The following LIPK variants were observed in gnomAD, a reference collection of about 807,000 sequenced individuals.
LIPK encodes the protein lipase family member K.
LIPK carries 32 observed loss-of-function variants against 48.6 expected under a neutral mutation model. The ratio of observed to expected loss-of-function variants is 0.66; its 90% CI spans 0.50 to 0.88. LIPK has a LOEUF of 0.88. LIPK is among the 40% of genes least tolerant of loss of function. The pLI is 0.00. For synonymous variants in LIPK, 164 were observed against 157.4 expected, an observed-to-expected ratio of 1.04 and a Z score of -0.32; for missense variants, 507 against 478.5, an observed-to-expected ratio of 1.06 and a Z score of -0.56.
intron 1 of LIPK, among the ~76,000 whole-genome samples, chr10:88,715,849 A>C (rs1232958886): frequency 6.7e-6 from 1 of 149,646 alleles, no homozygotes; most frequent in Non-Finnish European, 1.5e-5. Context: ...TTCTAGGATA[A>C]TAAAATATTA....
chr10:88,719,045 A>G (rs1208722927), intron 1 of LIPK, among the ~76,000 whole-genome samples: 1 of 152,192 alleles, frequency 6.6e-6, no homozygotes, highest in Non-Finnish European at 1.5e-5. Context: ...TATAATATAA[A>G]GTATAATATG....
intron 1 of LIPK, among the ~76,000 whole-genome samples, chr10:88,712,590 G>GT (rs201503171): frequency 3.4e-4 from 51 of 151,304 alleles, no homozygotes; most frequent in South Asian, 8.4e-4. Context: ...TCCAGATAAT[G>GT]TTTTTTTTTA....
intron 1 of LIPK, among the ~76,000 whole-genome samples, chr10:88,721,140 A>C (rs202061086): frequency 0.78 from 118,645 of 151,476 alleles, 47,433 homozygotes; most frequent in East Asian, 1. Flanking sequence ...GCATTAGCAT[A>C]TAAGGATATA....
intron 9 of LIPK, among the ~76,000 whole-genome samples, chr10:88,745,482 A>T (rs1175710655): frequency 6.6e-6 from 1 of 152,208 alleles, no homozygotes; most frequent in African/African-American, 2.4e-5. Flanking sequence ...TGTATTCAAC[A>T]TCCTTAAAGA....
chr10:88,745,276 A>G (rs753672385), intron 9 of LIPK, among the ~76,000 whole-genome samples: 1 of 152,306 alleles, frequency 6.6e-6, no homozygotes, highest in African/African-American at 2.4e-5. Flanking sequence ...TGGGAAATTC[A>G]GAGAACCCCT....
chr10:88,748,323 T>C (rs1842804884), intron 9 of LIPK, among the ~76,000 whole-genome samples: 1 of 152,118 alleles, frequency 6.6e-6, no homozygotes, highest in South Asian at 2.1e-4. Context: ...AGCATCAAAC[T>C]ACCATGGCAT....
chr10:88,716,949 GA>G (rs1842131201), intron 1 of LIPK, among the ~76,000 whole-genome samples: 1 of 152,112 alleles, frequency 6.6e-6, no homozygotes, highest in East Asian at 1.9e-4. Context: ...TGGGGAGAAA[GA>G]AAGAGTGAGC....
At chr10:88,711,622 G>A (rs1399581520) in intron 1 of LIPK, among the ~76,000 whole-genome samples, 2 of 152,058 alleles carry the variant, frequency 1.3e-5, no homozygotes, top group African/African-American at 4.8e-5. Context: ...TTACAAGCAT[G>A]CACCAACATG....
At position 88,732,505 on chromosome 10, in the gene LIPK, A is replaced by G; in HGVS notation, c.623A>G (p.Gln208Arg). Residue 208 changes from glutamine to arginine, a missense_variant, in exon 6 of 10, where the codon CAA (glutamine) becomes CGA (arginine). Gln to Arg is a conservative substitution (Grantham distance 43). Coordinates refer to ENST00000404190, the MANE Select transcript of LIPK (RefSeq NM_001080518.2). ...CCAGTTGTCACAGTTAAATACACCC[A>G]AAGTCCTATGAAAAAACTAACAACC... ...LAPVVTVKYT[Q>R]SPMKKLTTLS... is the part of the protein sequence containing the mutation. The G allele has an allele frequency of 6.2e-7, 1 of 1,613,248 alleles. No individual in the cohort carries two copies. The highest frequency in any genetic ancestry group is 2.2e-5 in the East Asian group (1 of 44,866).
rs750061098 is a variant in LIPK at position 88,731,086 on chromosome 10, T to C, written c.327T>C (p.Ser109=). Residue 109 remains serine, a synonymous_variant, in exon 4 of 10, where the codon AGT becomes AGC. Coordinates refer to ENST00000404190, the MANE Select transcript of LIPK (RefSeq NM_001080518.2). ...NNSLAFLLAD[S]GYDVWLGNSR... is the part of the protein sequence containing the mutation. Reference sequence around the variant, plus strand: ...GTTTGGCTTTCCTTCTGGCAGATAGTGGTTATGACGTGTGGTTGGGGAACA... The same window carrying C: ...GTTTGGCTTTCCTTCTGGCAGATAGCGGTTATGACGTGTGGTTGGGGAACA... The C allele has an allele frequency of 2.5e-6, 4 of 1,607,126 alleles. No homozygotes were observed. Among genetic ancestry groups the C allele is most frequent in the Non-Finnish European group, 3.4e-6 (4 of 1,176,776 alleles).
intron 6 of LIPK, among the ~76,000 whole-genome samples, chr10:88,735,494 C>T (rs184255325): frequency 1.3e-5 from 2 of 152,230 alleles, no homozygotes; most frequent in African/African-American, 4.8e-5. Context: ...AACCCATGGT[C>T]AACAGTCTTT....
intron 7 of LIPK, 137 bp downstream of exon 7, chr10:88,737,918 TC>T: frequency 2.2e-6 from 2 of 889,674 alleles, no homozygotes; most frequent in Non-Finnish European, 3.5e-6. Flanking sequence ...ATTTATGGCT[TC>T]CAATGAGGGT....
At chr10:88,742,325 C>A (rs1842693875) in intron 8 of LIPK, among the ~76,000 whole-genome samples, 1 of 145,494 alleles carries the variant, frequency 6.9e-6, no homozygotes, top group South Asian at 2.2e-4. Context: ...TAAAAGCTTG[C>A]AGAATTTCAA....
At chr10:88,709,087 G>T (rs1011958509) in intron 1 of LIPK, among the ~76,000 whole-genome samples, 2 of 152,110 alleles carry the variant, frequency 1.3e-5, no homozygotes, top group African/African-American at 4.8e-5. Flanking sequence ...GACGTAAATA[G>T]ATCTTTGCCT....
chr10:88,747,650 GA>G (rs1287203978), intron 9 of LIPK, among the ~76,000 whole-genome samples: 1 of 151,776 alleles, frequency 6.6e-6, no homozygotes, highest in African/African-American at 2.4e-5. Flanking sequence ...ACAAACATAT[GA>G]AAAAAAGCTC....
chr10:88,723,504 T>C (rs390436), intron 1 of LIPK, among the ~76,000 whole-genome samples: 118,175 of 152,096 alleles, frequency 0.78, 46,914 homozygotes, highest in East Asian at 1. Flanking sequence ...GGAAGCCCTC[T>C]TGAAAAATGT....
chr10:88,715,363 T>G (rs1275737047), intron 1 of LIPK, among the ~76,000 whole-genome samples: 1 of 152,166 alleles, frequency 6.6e-6, no homozygotes, highest in African/African-American at 2.4e-5. Context: ...GAATTGACTT[T>G]TGTCTTCTAG....
rs570391246 is a variant in LIPK at position 88,746,181 on chromosome 10, A to T, written c.960+2860A>T. On this transcript the variant is annotated intron_variant, in intron 9 of 9. Coordinates refer to ENST00000404190, the MANE Select transcript of LIPK (RefSeq NM_001080518.2). ...TAGATAACCACACAACAATAGTGGG[A>T]GACTTCAACACCCCACTGACAGTAC... Among the ~76,000 whole-genome samples, 93 of 152,304 alleles carry T rather than the reference A, an allele frequency of 6.1e-4. No individual in the cohort carries two copies. In the Middle Eastern group the frequency reaches 0.014, roughly 22 times the overall value.
chr10:88,722,167 C>T (rs1419755207), intron 1 of LIPK, among the ~76,000 whole-genome samples: 1 of 152,172 alleles, frequency 6.6e-6, no homozygotes, highest in South Asian at 2.1e-4. Context: ...TGGCGGCACG[C>T]GCCTGTAATC....
Sources: gnomAD v4.1 joint callset for allele counts (sites outside exome capture counted in the v4.1 genomes callset) on GRCh38, gnomAD v4.1.1 for gene constraint, MANE v1.5 for transcripts, NCBI Gene and HGNC (gene_info 2026-07-23, HGNC 2026-07-21) for gene names.